The following STXBP5L variants were observed in gnomAD, a reference collection of about 807,000 sequenced individuals.
The protein encoded by STXBP5L is syntaxin-binding protein 5-like.
Under a neutral mutation model 144.5 loss-of-function variants are expected in STXBP5L, and 65 were observed. The ratio of observed to expected loss-of-function variants is 0.45; its 90% confidence interval spans 0.37 to 0.55. STXBP5L has a LOEUF of 0.55. Among genes scored for constraint, STXBP5L ranks in the 20% least tolerant of loss-of-function variants. The probability of loss-of-function intolerance (pLI) is 0.00; values close to 1 mark genes in which losing one functional copy is unlikely to be tolerated. For missense variants in STXBP5L, 1,298 were observed against 1,405.5 expected (o/e 0.92, Z 1.22); for synonymous variants, 505 against 469.6 (o/e 1.08, Z -0.97).
At chr3:121,342,017 G>C (rs1472989489) in intron 20 of STXBP5L, among the ~76,000 whole-genome samples, 1 of 152,030 alleles carries the variant, frequency 6.6e-6, no homozygotes, top group African/African-American at 2.4e-5. Flanking sequence ...CACAAAGGAA[G>C]GGTAATTGCT....
chr3:121,094,312 A>G (rs1263719998), intron 5 of STXBP5L, among the ~76,000 whole-genome samples: 2 of 152,104 alleles, frequency 1.3e-5, no homozygotes, highest in East Asian at 3.9e-4. Context: ...GCTGAGTCCA[A>G]TTCCTGGGTA....
chr3:121,202,719 T>C (rs933293142), intron 9 of STXBP5L, among the ~76,000 whole-genome samples: 3 of 152,124 alleles, frequency 2.0e-5, no homozygotes, highest in African/African-American at 7.2e-5. Flanking sequence ...TTTAAATATG[T>C]CATATCACAT....
chr3:121,035,446 G>A (rs1946683769), intron 3 of STXBP5L, among the ~76,000 whole-genome samples: 1 of 152,076 alleles, frequency 6.6e-6, no homozygotes, highest in African/African-American at 2.4e-5. Flanking sequence ...AATTTTCCCA[G>A]CACCATTTAT....
chr3:121,019,080 G>A (rs1318692717), intron 3 of STXBP5L, among the ~76,000 whole-genome samples: 2 of 152,178 alleles, frequency 1.3e-5, no homozygotes. Flanking sequence ...CCTGGGAACT[G>A]GGTCAGGCCT....
At chr3:121,065,840 G>T (rs2041517145) in intron 5 of STXBP5L, among the ~76,000 whole-genome samples, 1 of 152,158 alleles carries the variant, frequency 6.6e-6, no homozygotes, top group Non-Finnish European at 1.5e-5. Context: ...CTTTATTCAA[G>T]CTCATTTTGT....
At chr3:121,096,787 A>C (rs2043153194) in intron 5 of STXBP5L, among the ~76,000 whole-genome samples, 1 of 152,106 alleles carries the variant, frequency 6.6e-6, no homozygotes, top group Non-Finnish European at 1.5e-5. Flanking sequence ...GTCAGCCCCT[A>C]CTGGGAGGTG....
intron 5 of STXBP5L, among the ~76,000 whole-genome samples, chr3:121,051,444 G>A (rs778553717): frequency 2.0e-4 from 30 of 152,156 alleles, no homozygotes; most frequent in East Asian, 1.2e-3. Flanking sequence ...ACTCAAAACC[G>A]CTCAACTACA....
intron 3 of STXBP5L, among the ~76,000 whole-genome samples, chr3:120,981,501 G>T (rs1446698799): frequency 6.6e-6 from 1 of 151,686 alleles, no homozygotes; most frequent in African/African-American, 2.4e-5. Context: ...TCTATATTGT[G>T]GTTCCTTTAA....
At chr3:120,924,062 C>A (rs897437494) in intron 2 of STXBP5L, among the ~76,000 whole-genome samples, 1 of 152,110 alleles carries the variant, frequency 6.6e-6, no homozygotes, top group African/African-American at 2.4e-5. Context: ...ACGTCCCTAT[C>A]TTTTCTATCT....
chr3:121,297,383 A>G (rs2108480353), intron 19 of STXBP5L, among the ~76,000 whole-genome samples: 1 of 152,316 alleles, frequency 6.6e-6, no homozygotes, highest in Non-Finnish European at 1.5e-5. Flanking sequence ...GGGGGACAAA[A>G]GTCAGTCGAA....
intron 8 of STXBP5L, among the ~76,000 whole-genome samples, chr3:121,155,273 A>G (rs1481049833): frequency 1.3e-5 from 2 of 151,796 alleles, no homozygotes; most frequent in African/African-American, 2.4e-5. Context: ...ATTACTCACT[A>G]TCTTCCATAT....
chr3:121,152,601 C>A, intron 8 of STXBP5L, 41 bp downstream of exon 8: 1 of 1,421,674 alleles, frequency 7.0e-7, no homozygotes, highest in Non-Finnish European at 9.7e-7. Context: ...AGTATTGTGA[C>A]GTTATGCCTG....
chr3:121,041,475 A>G (rs973641459), intron 3 of STXBP5L, among the ~76,000 whole-genome samples: 2 of 152,118 alleles, frequency 1.3e-5, no homozygotes, highest in Non-Finnish European at 2.9e-5. Flanking sequence ...AAAAGCTGCC[A>G]TCTTTCAAAT....
chr3:120,988,046 C>A (rs989138637), intron 3 of STXBP5L, among the ~76,000 whole-genome samples: 3 of 150,670 alleles, frequency 2.0e-5, no homozygotes, highest in African/African-American at 7.3e-5. Context: ...ATCAGTCTTA[C>A]CTGATGGTTT....
At chr3:120,912,834 C>T (rs555989501) in intron 2 of STXBP5L, among the ~76,000 whole-genome samples, 1 of 151,898 alleles carries the variant, frequency 6.6e-6, no homozygotes, top group Non-Finnish European at 1.5e-5. Flanking sequence ...AGAAGAGATT[C>T]CTGTTTACCT....
chr3:121,160,177 A>C (rs1052415764), intron 9 of STXBP5L, among the ~76,000 whole-genome samples: 2 of 152,176 alleles, frequency 1.3e-5, no homozygotes, highest in Admixed American at 6.5e-5. Context: ...ATACTTGTCT[A>C]GTGCTATCAA....
At chr3:120,969,741 A>G (rs1468537106) in intron 3 of STXBP5L, among the ~76,000 whole-genome samples, 1 of 151,988 alleles carries the variant, frequency 6.6e-6, no homozygotes, top group Non-Finnish European at 1.5e-5. Context: ...ATGGAGATCC[A>G]GTTTTATTTT....
chr3:121,000,120 G>T (rs867002108), intron 3 of STXBP5L, among the ~76,000 whole-genome samples: 1 of 151,986 alleles, frequency 6.6e-6, no homozygotes, highest in Non-Finnish European at 1.5e-5. Context: ...ATCTTCCAGG[G>T]GTTCTCTGAA....
intron 5 of STXBP5L, among the ~76,000 whole-genome samples, chr3:121,106,940 C>G (rs2043741432): frequency 6.6e-6 from 1 of 152,192 alleles, no homozygotes; most frequent in Non-Finnish European, 1.5e-5. Flanking sequence ...ACCATTCTGA[C>G]TGAAGTGAGA....
Sources: gnomAD v4.1 joint callset for allele counts (sites outside exome capture counted in the v4.1 genomes callset) on GRCh38, gnomAD v4.1.1 for gene constraint, MANE v1.5 for transcripts, NCBI Gene and HGNC (gene_info 2026-07-23, HGNC 2026-07-21) for gene names.